Variants in IRF4 observed in about 807,000 individuals in gnomAD.
The protein encoded by IRF4 is interferon regulatory factor 4.
In IRF4, 13 loss-of-function variants were observed where a neutral mutation model predicts 55.5. The ratio of observed to expected loss-of-function variants is 0.23; its 90% CI spans 0.15 to 0.37. The LOEUF is 0.37. IRF4 is among the 10% of genes least tolerant of loss of function. The pLI is 1.00. For missense variants in IRF4, 397 were observed against 593.8 expected (o/e 0.67, Z 3.44); for synonymous variants, 249 against 240.7 (o/e 1.03, Z -0.32).
chr6:393,287 G>C lies in IRF4; in HGVS notation c.135G>C (p.Glu45Asp). 2 of 1,606,930 alleles carry C rather than the reference G, an allele frequency of 1.2e-6. No homozygotes were observed. Among genetic ancestry groups the C allele is most frequent in the Non-Finnish European group, 1.7e-6 (2 of 1,177,000 alleles). Residue 45 changes from glutamate (E) to aspartate (D), a missense_variant, in exon 2 of 9, where the codon GAG (glutamate) becomes GAC (aspartate). Around this residue, in one of 3 missense-constraint regions of IRF4, gnomAD observed 341 missense variants for 548.1 expected, o/e 0.62. Transcript: ENST00000380956. The surrounding 1 kb of genome is among the most constrained non-coding windows in gnomAD (Gnocchi z 5.4). ...ACCCCGGGCTGGTGTGGGAGAACGA[G>C]GAGAAGAGCATCTTCCGCATCCCCT... Reference protein sequence around the residue: ...GKYPGLVWENEEKSIFRIPWK... With the variant: ...GKYPGLVWENDEKSIFRIPWK...
Position 395,810 on chromosome 6 carries a change from T to C in IRF4, c.404-37T>C, listed in dbSNP as rs767827438. 3.9e-6 allele frequency: 6 copies of C among 1,519,064 alleles called. No homozygotes were observed. The Admixed American group carries it at 1.0e-4, about 26-fold the overall frequency. 94.1% of individuals were successfully genotyped at this position (1,519,064 alleles called of 1,614,324 possible). A position where few individuals can be genotyped will look rare whatever the true frequency, so the allele number is the denominator to read the frequency against. On this transcript the variant is annotated intron_variant, in intron 3 of 8. Transcript: ENST00000380956. Reference sequence around the variant, plus strand: ...CATTTAGTTAGGTCAGTTCCTGTTTTTACGTTGTGCCATTTCCCTTTTCCC... The same window carrying C: ...CATTTAGTTAGGTCAGTTCCTGTTTCTACGTTGTGCCATTTCCCTTTTCCC...
chr6:411,437 T>G lies in IRF4; in HGVS notation c.*3839T>G, dbSNP rs2316516. ...TTAGGTAAATAAAAACTTTTAAAAA[T>G]TTGTTATGGAATGTGTGTGTGTGTT... On this transcript the variant is annotated 3_prime_UTR_variant, in exon 9 of 9. Transcript: ENST00000380956. 145,310 of 184,856 alleles carry G rather than the reference T, an allele frequency of 0.79. 57,467 individuals are homozygous for G. The highest frequency in any genetic ancestry group is 0.87 in the East Asian group (10,175 of 11,684). 11.5% of individuals were successfully genotyped at this position (184,856 alleles called of 1,614,324 possible).
chr6:392,431 G>T (rs1032854190), intron 1 of IRF4, among the ~76,000 whole-genome samples: 1 of 152,242 alleles, frequency 6.6e-6, no homozygotes, highest in Non-Finnish European at 1.5e-5. Context: ...CCTGCTCCGG[G>T]GTCCGGCGGA....
At chr6:399,295 G>A (rs1761342573) in intron 6 of IRF4, among the ~76,000 whole-genome samples, 1 of 152,120 alleles carries the variant, frequency 6.6e-6, no homozygotes, top group African/African-American at 2.4e-5. Flanking sequence ...AAGTGTAGAA[G>A]GGCTTCTCAT....
chr6:395,029 G>C, intron 3 of IRF4, 22 bp downstream of exon 3: 3 of 1,565,708 alleles, frequency 1.9e-6, no homozygotes, highest in Non-Finnish European at 2.6e-6. Flanking sequence ...CCTGAATTTG[G>C]GTCACCTAAC....
At position 408,872 on chromosome 6, in the gene IRF4, G is replaced by A. The variant is rs1761620579; in HGVS notation, c.*1274G>A. 4 of 232,206 alleles carry A rather than the reference G, an allele frequency of 1.7e-5. No homozygotes were observed. Among genetic ancestry groups the A allele is most frequent in the Admixed American group, 5.6e-5 (1 of 17,724 alleles). The allele number at this position is 232,206 out of a possible 1,614,324, so 14.4% of individuals were successfully genotyped here. A position where few individuals can be genotyped will look rare whatever the true frequency, so the allele number is the denominator to read the frequency against. On this transcript the variant is annotated 3_prime_UTR_variant, in exon 9 of 9. Coordinates refer to ENST00000380956, the MANE Select transcript of IRF4 (RefSeq NM_002460.4). ...TATTTCATCTGTTCTATGCTTCCTC[G>A]TGCCAATTATAGTTTGACAGGGCCT...
intron 8 of IRF4, 57 bp downstream of exon 8, chr6:405,187 A>G (rs1316229837): frequency 2.1e-6 from 2 of 933,868 alleles, no homozygotes; most frequent in Non-Finnish European, 3.4e-6. Context: ...TAAAGGCCAG[A>G]GTTTCATTTA....
rs780511013 is a variant in IRF4 at position 395,844 on chromosome 6, T to C, written c.404-3T>C. ...GCCATTTCCCTTTTCCCCAAACATGTAGGAGCCAAGCAGCTCACCCTGGAG... is the reference window on the plus strand; with the variant it reads ...GCCATTTCCCTTTTCCCCAAACATGCAGGAGCCAAGCAGCTCACCCTGGAG... On this transcript the variant is annotated splice_polypyrimidine_tract_variant and splice_region_variant and intron_variant, in intron 3 of 8. Transcript: ENST00000380956. The C allele has an allele frequency of 6.2e-7, 1 of 1,612,106 alleles. No homozygotes were observed. The highest frequency in any genetic ancestry group is 8.5e-7 in the Non-Finnish European group (1 of 1,178,708).
chr6:392,402 C>T (rs551104787), intron 1 of IRF4, among the ~76,000 whole-genome samples: 1 of 152,380 alleles, frequency 6.6e-6, no homozygotes, highest in South Asian at 2.1e-4. Flanking sequence ...CGCGCCCTCC[C>T]CGCCTCCGCT....
At position 405,025 on chromosome 6, in the gene IRF4, A is replaced by G; in HGVS notation, c.1107A>G (p.Gln369=). Residue 369 remains glutamine, a synonymous_variant, in exon 8 of 9, where the codon CAA becomes CAG. Coordinates refer to ENST00000380956, the MANE Select transcript of IRF4 (RefSeq NM_002460.4). The part of the protein sequence containing the change: ...FDTQQFLSEL[Q]AFAHHGRSLP... ...TCTTGTGGGCTTCTACAGAGCTGCA[A>G]GCGTTTGCTCACCACGGCCGCTCCC... The G allele has an allele frequency of 6.2e-7, 1 of 1,611,366 alleles. No homozygotes were observed. Among genetic ancestry groups the G allele is most frequent in the Non-Finnish European group, 8.5e-7 (1 of 1,177,536 alleles).
At chr6:392,654 T>C (rs1761136817) in intron 1 of IRF4, among the ~76,000 whole-genome samples, 1 of 151,228 alleles carries the variant, frequency 6.6e-6, no homozygotes, top group African/African-American at 2.4e-5. Flanking sequence ...CCTCCGCGCG[T>C]GGAGGCCGCC....
At chr6:399,040 T>A in intron 6 of IRF4, 105 bp downstream of exon 6, 1 of 692,806 alleles carries the variant, frequency 1.4e-6, no homozygotes, top group Admixed American at 2.7e-5. Flanking sequence ...CTTGCTTTGC[T>A]CCCTCTGGGG....
chr6:393,409 G>C lies in IRF4; in HGVS notation c.216+41G>C. On this transcript the variant is annotated intron_variant, in intron 2 of 8. Transcript: ENST00000380956. This position sits in a 1 kb window ranked among gnomAD's most constrained non-coding sequence, Gnocchi z 5.4. ...AGCCGGCGGGGGCGCGCCGGGGAGGGCCCAGAGACAGAGCCCGGGGTCCCC... is the reference window on the plus strand; with the variant it reads ...AGCCGGCGGGGGCGCGCCGGGGAGGCCCCAGAGACAGAGCCCGGGGTCCCC... 7.0e-6 allele frequency: 7 copies of C among 1,001,638 alleles called. No individual in the cohort carries two copies. The highest frequency in any genetic ancestry group is 9.8e-6 in the Non-Finnish European group (7 of 717,506). 62.0% of individuals were successfully genotyped at this position (1,001,638 alleles called of 1,614,324 possible).
At chr6:401,940 G>T in intron 7 of IRF4, 163 bp downstream of exon 7, 3 of 623,736 alleles carry the variant, frequency 4.8e-6, no homozygotes, top group Non-Finnish European at 8.5e-6. Flanking sequence ...CTTCTGTCTG[G>T]CTCTGTTGTG....
chr6:406,731 C>G, intron 8 of IRF4: 2 of 1,123,624 alleles, frequency 1.8e-6, no homozygotes, highest in Non-Finnish European at 2.3e-6. Flanking sequence ...CCTATGAGTT[C>G]CACTTTTAAA....
Position 401,572 on chromosome 6 carries a change from T to G in IRF4, c.894T>G (p.Asn298Lys). 1.9e-6 allele frequency: 3 copies of G among 1,613,998 alleles called. No homozygotes were observed. Among genetic ancestry groups the G allele is most frequent in the Non-Finnish European group, 2.5e-6 (3 of 1,180,010 alleles). The change falls in exon 7 of 9, where the codon AAT becomes AAG. Residue 298 changes from asparagine to lysine, a missense_variant. Physicochemically the swap from Asn to Lys is moderately conservative, Grantham distance 94. Coordinates refer to ENST00000380956, the MANE Select transcript of IRF4 (RefSeq NM_002460.4). ...DQVLFPYPED[N>K]GQRKNIEKLL... is the part of the protein sequence containing the mutation. ...TCCTGTTCCCCTACCCAGAGGACAA[T>G]GGCCAGAGGAAAAACATTGAGAAGC...
At chr6:400,106 C>T (rs911248599) in intron 6 of IRF4, among the ~76,000 whole-genome samples, 1 of 152,108 alleles carries the variant, frequency 6.6e-6, no homozygotes, top group Non-Finnish European at 1.5e-5. Context: ...GTCTGACTCG[C>T]TTTCAGACAG....
chr6:391,869 G>C (rs1761110904), intron 1 of IRF4, 60 bp downstream of exon 1: 1 of 453,958 alleles, frequency 2.2e-6, no homozygotes, highest in African/African-American at 2.0e-5. Context: ...AGGACCCGGA[G>C]CGCGAACCAG....
intron 7 of IRF4, among the ~76,000 whole-genome samples, chr6:404,408 G>A (rs2127441622): frequency 6.7e-6 from 1 of 149,840 alleles, no homozygotes; most frequent in East Asian, 1.9e-4. Context: ...CATCCCTGGA[G>A]ACAGGCAAGA....
Sources: allele counts gnomAD v4.1 joint callset (sites outside exome capture counted in the v4.1 genomes callset), GRCh38; gene constraint gnomAD v4.1.1; regional missense constraint gnomAD v4.1.1; non-coding constraint Gnocchi (gnomAD v3.1); transcripts MANE v1.5; gene names NCBI Gene and HGNC (gene_info 2026-07-23, HGNC 2026-07-21).